CDH8: variants seen among roughly 807,000 people sequenced by gnomAD.
CDH8 encodes cadherin 8.
In CDH8, 17 loss-of-function variants were observed where a neutral mutation model predicts 68.1. The ratio of observed to expected loss-of-function variants is 0.25; its 90% CI spans 0.17 to 0.37. The LOEUF (loss-of-function observed/expected upper bound fraction) is 0.37. Ranked by LOEUF, CDH8 falls within the 10% of genes least tolerant of loss-of-function variation. The pLI is 1.00. For synonymous variants in CDH8, 372 were observed against 365.1 expected, an observed-to-expected ratio of 1.02 and a Z score of -0.21; for missense variants, 763 against 999.3, an observed-to-expected ratio of 0.76 and a Z score of 3.19.
intron 8 of CDH8, among the ~76,000 whole-genome samples, chr16:61,739,279 G>A (rs991565309): frequency 2.0e-5 from 3 of 151,734 alleles, no homozygotes; most frequent in East Asian, 1.9e-4. Context: ...TTAATGTGTC[G>A]ACATATCTAA....
intron 2 of CDH8, among the ~76,000 whole-genome samples, chr16:61,930,270 A>AACACAC (rs369686237): frequency 0.011 from 1,631 of 144,336 alleles, 24 homozygotes; most frequent in African/African-American, 0.033. Flanking sequence ...AAAGTTAGAA[A>AACACAC]ACACACACAC....
In CDH8 at chr16:61,722,641, G is replaced by C. The variant is rs1959232598; in HGVS notation, c.1536+4453C>G. 2.7e-5 allele frequency among the ~76,000 whole-genome samples: 4 copies of C among 150,618 alleles called. No homozygotes were observed. In the South Asian group the frequency reaches 8.3e-4, roughly 31 times the overall value. Reference sequence around the variant, plus strand: ...ACAAGTGTTTCCATGATAATATCTAGGAAATTACTTTTTGAAGTATCTGTC... The same window carrying C: ...ACAAGTGTTTCCATGATAATATCTACGAAATTACTTTTTGAAGTATCTGTC... On this transcript the variant is annotated intron_variant, in intron 9 of 11. Coordinates refer to ENST00000577390, the MANE Select transcript of CDH8 (RefSeq NM_001796.5).
chr16:61,818,148 A>T (rs948944173), intron 6 of CDH8: 3 of 162,406 alleles, frequency 1.8e-5, no homozygotes, highest in African/African-American at 7.2e-5. Flanking sequence ...AGAATATTTT[A>T]TCATTTCTGC....
chr16:61,655,601 A>G lies in CDH8; in HGVS notation c.1775T>C (p.Leu592Ser). The G allele has an allele frequency of 6.2e-7, 1 of 1,614,204 alleles. No homozygotes were observed. ...GCTGCAGCCACAGACCCTGATTGTC[A>G]AGGTGCTAGTGCTGCTCAGTGGAGG... ...GNPPLSSTST[L>S]TIRVCGCSND... The change falls in exon 11 of 12, where the codon TTG becomes TCG. Residue 592 changes from leucine to serine, a missense_variant. Leu to Ser is a moderately radical substitution (Grantham distance 145). Coordinates refer to ENST00000577390, the MANE Select transcript of CDH8 (RefSeq NM_001796.5).
intron 2 of CDH8, among the ~76,000 whole-genome samples, chr16:61,994,692 T>G (rs1385562996): frequency 2.6e-5 from 4 of 152,194 alleles, no homozygotes; most frequent in Non-Finnish European, 4.4e-5. Flanking sequence ...ACACAAATTC[T>G]GTCCCACCAC....
chr16:61,964,257 T>C (rs1409353855), intron 2 of CDH8, among the ~76,000 whole-genome samples: 1 of 152,186 alleles, frequency 6.6e-6, no homozygotes, highest in Non-Finnish European at 1.5e-5. Flanking sequence ...ACAAGTAAGA[T>C]AATAACCTAC....
intron 3 of CDH8, among the ~76,000 whole-genome samples, chr16:61,894,573 A>C (rs1162122355): frequency 2.0e-5 from 3 of 152,146 alleles, no homozygotes; most frequent in East Asian, 3.9e-4. Flanking sequence ...GTTCAGAAAC[A>C]ATACATTTGT....
intron 9 of CDH8, among the ~76,000 whole-genome samples, chr16:61,718,480 T>C (rs12597599): frequency 0.032 from 4,821 of 151,370 alleles, 351 homozygotes; most frequent in East Asian, 0.24. Context: ...CTCTAAATCC[T>C]TCTATAATGA....
intron 8 of CDH8, among the ~76,000 whole-genome samples, chr16:61,761,452 T>C (rs1179684980): frequency 2.6e-5 from 4 of 152,138 alleles, no homozygotes; most frequent in African/African-American, 9.7e-5. Context: ...TTTTTGGCTA[T>C]TGGAAAAGGA....
chr16:61,778,690 C>T (rs188108610), intron 8 of CDH8, among the ~76,000 whole-genome samples: 9 of 152,156 alleles, frequency 5.9e-5, no homozygotes, highest in Non-Finnish European at 1.2e-4. Context: ...ACTATACCCA[C>T]AAGTTTAAAG....
At chr16:61,684,947 T>C (rs192845829) in intron 10 of CDH8, among the ~76,000 whole-genome samples, 5 of 152,104 alleles carry the variant, frequency 3.3e-5, no homozygotes, top group East Asian at 1.9e-4. Flanking sequence ...TCTCTCTCTC[T>C]GCATAGGAGT....
At chr16:61,950,281 G>T (rs7203891) in intron 2 of CDH8, among the ~76,000 whole-genome samples, 1 of 152,114 alleles carries the variant, frequency 6.6e-6, no homozygotes, top group Admixed American at 6.5e-5. Flanking sequence ...GAAGGTGCAA[G>T]AGATAAGACA....
chr16:61,914,586 T>A (rs965230111), intron 2 of CDH8, among the ~76,000 whole-genome samples: 10 of 152,054 alleles, frequency 6.6e-5, no homozygotes, highest in African/African-American at 2.2e-4. Context: ...CAGAAGAAGA[T>A]CTGACTGCAC....
At chr16:61,778,266 A>G (rs1373504699) in intron 8 of CDH8, among the ~76,000 whole-genome samples, 1 of 152,154 alleles carries the variant, frequency 6.6e-6, no homozygotes, top group Non-Finnish European at 1.5e-5. Context: ...GTCATAGGCA[A>G]TAGAGACAGA....
chr16:61,737,523 T>C (rs1959730258), intron 8 of CDH8, among the ~76,000 whole-genome samples: 3 of 152,274 alleles, frequency 2.0e-5, no homozygotes, highest in Middle Eastern at 3.4e-3. Context: ...TTGGAAATAA[T>C]GTCAATAGTG....
In CDH8 at chr16:61,653,508, C is replaced by G; in HGVS notation, c.*100G>C. The stretch of plus-strand genomic sequence containing the variant: ...GAGTTTATAGATGACTGGTGCTAAA[C>G]TTGCCTCTAAAACAAATAGCCACAT... On this transcript the variant is annotated 3_prime_UTR_variant, in exon 12 of 12. Transcript: ENST00000577390. 1.3e-6 allele frequency: 2 copies of G among 1,505,606 alleles called. No homozygotes were observed. Among genetic ancestry groups the G allele is most frequent in the Non-Finnish European group, 1.8e-6 (2 of 1,129,086 alleles). 93.3% of individuals were successfully genotyped at this position (1,505,606 alleles called of 1,614,324 possible).
At chr16:61,696,676 T>C (rs978844517) in intron 10 of CDH8, among the ~76,000 whole-genome samples, 1 of 152,112 alleles carries the variant, frequency 6.6e-6, no homozygotes, top group African/African-American at 2.4e-5. Flanking sequence ...CAGTAGCAAA[T>C]ACATGGAATC....
At chr16:61,797,820 A>G (rs1961532942) in intron 7 of CDH8, among the ~76,000 whole-genome samples, 1 of 152,186 alleles carries the variant, frequency 6.6e-6, no homozygotes, top group African/African-American at 2.4e-5. Context: ...AATAGGGTGA[A>G]GCAAATTCAC....
intron 2 of CDH8, among the ~76,000 whole-genome samples, chr16:61,985,167 AGATGGTAAGACTAACATCCCTTTGCAAG>A (rs942561855): frequency 9.2e-5 from 14 of 151,512 alleles, no homozygotes; most frequent in Admixed American, 7.9e-4. Flanking sequence ...TATCCTCTGT[AGATGGTAAGACTAACATCCCTTTGCAAG>A]GATGATCAGA....
Sources: gnomAD v4.1 joint callset for allele counts (sites outside exome capture counted in the v4.1 genomes callset) on GRCh38, gnomAD v4.1.1 for gene constraint, MANE v1.5 for transcripts, NCBI Gene and HGNC (gene_info 2026-07-23, HGNC 2026-07-21) for gene names.